PAPPA: variants seen among roughly 807,000 people sequenced by gnomAD.
PAPPA encodes the protein pappalysin 1, also known as pappalysin-1.
A neutral mutation model predicts 164.0 loss-of-function variants in PAPPA; 60 were observed. The ratio of observed to expected loss-of-function variants is 0.37; its 90% confidence interval spans 0.30 to 0.45. The LOEUF (loss-of-function observed/expected upper bound fraction) is 0.45. PAPPA is among the 20% of genes least tolerant of loss of function. The pLI, the probability that PAPPA is intolerant of heterozygous loss-of-function variation, is 1.00. For synonymous variants in PAPPA, 875 were observed against 814.1 expected, an observed-to-expected ratio of 1.07 and a Z score of -1.27; for missense variants, 1,782 against 2,087.3, an observed-to-expected ratio of 0.85 and a Z score of 2.85.
At position 116,213,325 on chromosome 9, in the gene PAPPA, C is replaced by T. The variant is rs56014931; in HGVS notation, c.1918+1393C>T. ...CATTTGGGCTGATGACCCCTGGGGG[C>T]CTCTCCAGTATAAGGTTCCTGCAGT... On this transcript the variant is annotated intron_variant, in intron 4 of 21. Transcript: ENST00000328252. Among the ~76,000 whole-genome samples the T allele has an allele frequency of 5.9e-3, 901 of 152,224 alleles. 10 individuals are homozygous for T. The highest frequency in any genetic ancestry group is 0.02 in the African/African-American group (818 of 41,528).
chr9:116,162,378 C>G (rs980953566), intron 1 of PAPPA, among the ~76,000 whole-genome samples: 3 of 152,170 alleles, frequency 2.0e-5, no homozygotes, highest in African/African-American at 4.8e-5. Context: ...TCTCGTTTTT[C>G]TGGTTCCTTA....
At chr9:116,166,453 A>G (rs934541984) in intron 1 of PAPPA, among the ~76,000 whole-genome samples, 1 of 152,054 alleles carries the variant, frequency 6.6e-6, no homozygotes, top group Non-Finnish European at 1.5e-5. Context: ...TGGCAGTCAT[A>G]TCTGTTGCTT....
chr9:116,215,863 C>CATATATATATATATATATATAT (rs1186629986), intron 4 of PAPPA, among the ~76,000 whole-genome samples: 2 of 151,986 alleles, frequency 1.3e-5, no homozygotes, highest in Admixed American at 6.6e-5. Context: ...GTCAGAAAGC[C>CATATATATATATATATATATAT]ATATATATAG....
chr9:116,231,766 C>CTT lies in PAPPA; in HGVS notation c.2234-3362_2234-3361dup, dbSNP rs71377228. ...GTGGTTTTTCTTTTCTTTTCTTTTT[C>CTT]TTTTTTTTTTTTGAGATGGAGTTTC... On this transcript the variant is annotated intron_variant, in intron 6 of 21. Transcript: ENST00000328252. Among the ~76,000 whole-genome samples the CTT allele has an allele frequency of 5.2e-5, 3 of 57,524 alleles. 1 individual carries two copies. In the Admixed American group the frequency reaches 7.1e-4, roughly 14 times the overall value. The allele number at this position is 57,524 out of a possible 152,430, so 37.7% of individuals were successfully genotyped here. A position where few individuals can be genotyped will look rare whatever the true frequency, so the allele number is the denominator to read the frequency against.
chr9:116,361,128 G>C (rs922572884), intron 17 of PAPPA, among the ~76,000 whole-genome samples: 3 of 152,212 alleles, frequency 2.0e-5, no homozygotes, highest in Non-Finnish European at 4.4e-5. Context: ...TGGAGAATTA[G>C]GCAGAATTAA....
chr9:116,356,301 C>G (rs1846352982), intron 17 of PAPPA, among the ~76,000 whole-genome samples: 1 of 152,140 alleles, frequency 6.6e-6, no homozygotes, highest in Non-Finnish European at 1.5e-5. Flanking sequence ...ATACTACATA[C>G]CTAATAGTTT....
chr9:116,155,260 G>A lies in PAPPA; in HGVS notation c.415+673G>A, dbSNP rs1320359596. Among the ~76,000 whole-genome samples, 3 of 152,120 alleles carry A rather than the reference G, an allele frequency of 2.0e-5. No homozygotes were observed. The East Asian group carries it at 5.8e-4, about 29-fold the overall frequency. On this transcript the variant is annotated intron_variant, in intron 1 of 21. Transcript: ENST00000328252. ...GTTCCCCAGACGCGGCTGCGAAACG[G>A]GGCGCTTTTCTCATATGGGACTTTA... is the stretch of plus-strand genomic sequence containing the variant.
At chr9:116,228,822 T>A (rs1844549380) in intron 6 of PAPPA, among the ~76,000 whole-genome samples, 1 of 152,110 alleles carries the variant, frequency 6.6e-6, no homozygotes, top group South Asian at 2.1e-4. Context: ...AAGCTCCAGT[T>A]TTTTAGGAAG....
At chr9:116,374,699 G>A (rs759065465) in intron 19 of PAPPA, among the ~76,000 whole-genome samples, 4 of 152,208 alleles carry the variant, frequency 2.6e-5, no homozygotes, top group Admixed American at 6.5e-5. Flanking sequence ...GGGAAGGCAT[G>A]GGCATCGAAT....
At chr9:116,193,187 T>C (rs1168926351) in intron 2 of PAPPA, among the ~76,000 whole-genome samples, 1 of 152,036 alleles carries the variant, frequency 6.6e-6, no homozygotes, top group Non-Finnish European at 1.5e-5. Context: ...CAGGTTTTTG[T>C]TGTTGTTGCT....
chr9:116,202,396 A>C (rs1163019752), intron 2 of PAPPA, among the ~76,000 whole-genome samples: 3 of 152,168 alleles, frequency 2.0e-5, no homozygotes, highest in Non-Finnish European at 4.4e-5. Context: ...TTCTAATGAC[A>C]GTTGAGTTGA....
At chr9:116,374,752 T>C (rs1846627518) in intron 19 of PAPPA, among the ~76,000 whole-genome samples, 1 of 152,176 alleles carries the variant, frequency 6.6e-6, no homozygotes, top group African/African-American at 2.4e-5. Context: ...TTCTTGAACC[T>C]TTACCAAATG....
At chr9:116,300,844 A>G (rs1344417637) in intron 9 of PAPPA, among the ~76,000 whole-genome samples, 3 of 86,456 alleles carry the variant, frequency 3.5e-5, no homozygotes, top group African/African-American at 8.1e-5. Context: ...ACCCATTAAA[A>G]GAAGAGTATT....
At chr9:116,231,778 T>TTTTTTTTTTTTTA (rs1564192736) in intron 6 of PAPPA, among the ~76,000 whole-genome samples, 11 of 144,186 alleles carry the variant, frequency 7.6e-5, no homozygotes, top group East Asian at 4.1e-4. Flanking sequence ...TTTTTTTTTT[T>TTTTTTTTTTTTTA]GAGATGGAGT....
intron 1 of PAPPA, among the ~76,000 whole-genome samples, chr9:116,186,206 A>ATGTGTGTGTG (rs3037575): frequency 2.1e-5 from 3 of 145,178 alleles, no homozygotes; most frequent in African/African-American, 7.7e-5. Flanking sequence ...CACTCATTAT[A>ATGTGTGTGTG]TGTGTGTGTG....
At chr9:116,346,994 C>T in intron 14 of PAPPA, 32 bp from the exon 15 acceptor site, 1 of 1,572,108 alleles carries the variant, frequency 6.4e-7, no homozygotes, top group Admixed American at 1.8e-5. Context: ...CTCAGTCTGC[C>T]ACTCCTCACT....
At chr9:116,325,389 G>A (rs191418145) in intron 10 of PAPPA, among the ~76,000 whole-genome samples, 16 of 152,214 alleles carry the variant, frequency 1.1e-4, no homozygotes, top group African/African-American at 3.4e-4. Context: ...AGGTCATTCC[G>A]TGCAACCATT....
In PAPPA at chr9:116,370,198, A is replaced by G. The variant is rs1846555062; in HGVS notation, c.4605+2444A>G. 2.0e-5 allele frequency among the ~76,000 whole-genome samples: 3 copies of G among 152,174 alleles called. No homozygotes were observed. The South Asian group carries it at 6.2e-4, about 32-fold the overall frequency. On this transcript the variant is annotated intron_variant, in intron 19 of 21. Transcript: ENST00000328252. ...GAGTGAGAGGCAAGAACTGGCATTT[A>G]TTGGGCACTTGCTGTGATCAGGCAC... is the stretch of plus-strand genomic sequence containing the variant.
chr9:116,257,359 ATGCCCAGTTT>A (rs1844939509), intron 7 of PAPPA, among the ~76,000 whole-genome samples: 1 of 152,006 alleles, frequency 6.6e-6, no homozygotes, highest in Non-Finnish European at 1.5e-5. Context: ...CATCTTCAGA[ATGCCCAGTTT>A]TGCCATTGGT....
Sources: allele counts gnomAD v4.1 joint callset (sites outside exome capture counted in the v4.1 genomes callset), GRCh38; gene constraint gnomAD v4.1.1; transcripts MANE v1.5; gene names NCBI Gene and HGNC (gene_info 2026-07-23, HGNC 2026-07-21).